ZNF449: variants seen among roughly 807,000 people sequenced by gnomAD.
ZNF449 encodes zinc finger and SCAN domain-containing protein 19.
ZNF449 carries 4 observed loss-of-function variants against 32.6 expected under a neutral mutation model. The observed-to-expected ratio is 0.12, with a 90% CI of 0.06 to 0.28. ZNF449 has a LOEUF of 0.28. Among genes scored for constraint, ZNF449 ranks in the 10% least tolerant of loss-of-function variants. The pLI is 1.00. For missense variants in ZNF449, 275 were observed against 383.2 expected, an observed-to-expected ratio of 0.72 and a Z score of 2.36; for synonymous variants, 123 against 132.2, an observed-to-expected ratio of 0.93 and a Z score of 0.48.
rs782254149 is a variant in ZNF449 at position 135,359,947 on chromosome X, A to G, written c.615A>G (p.Pro205=). 5 of 1,201,079 alleles carry G rather than the reference A, an allele frequency of 4.2e-6. No homozygotes were observed. The highest frequency in any genetic ancestry group is 5.6e-6 in the Non-Finnish European group (5 of 889,744). ...TCTCATTGGAGAATAGAGAAGAGCCATGGGTGAAGGAATTACAGGATTCTA... is the reference window on the plus strand; with the variant it reads ...TCTCATTGGAGAATAGAGAAGAGCCGTGGGTGAAGGAATTACAGGATTCTA... The part of the protein sequence containing the change: ...MNFSLENREE[P]WVKELQDSKE... The change falls in exon 4 of 5, where the codon CCA becomes CCG. Residue 205 remains proline, a synonymous_variant. Transcript: ENST00000339249.
intron 2 of ZNF449, 25 bp downstream of exon 2, chrX:135,347,497 G>A (rs781876416): frequency 8.3e-7 from 1 of 1,209,479 alleles, no homozygotes; most frequent in Non-Finnish European, 1.1e-6. Context: ...TGGGATCTTT[G>A]TGATTGGTCC....
intron 3 of ZNF449, among the ~76,000 whole-genome samples, chrX:135,350,589 T>A (rs1253261896): frequency 1.2e-4 from 14 of 112,179 alleles, no homozygotes; most frequent in African/African-American, 4.5e-4. Context: ...GTACACTATC[T>A]ACGAGCACCT....
intron 3 of ZNF449, among the ~76,000 whole-genome samples, chrX:135,350,597 C>A (rs1195855579): frequency 8.9e-6 from 1 of 112,112 alleles, no homozygotes; most frequent in African/African-American, 3.2e-5. Context: ...TCTACGAGCA[C>A]CTTTGAGGAG....
At chrX:135,353,897 T>C (rs1556451019) in intron 3 of ZNF449, among the ~76,000 whole-genome samples, 1 of 111,567 alleles carries the variant, frequency 9.0e-6, no homozygotes, top group African/African-American at 3.3e-5. Flanking sequence ...TAATGTTTCT[T>C]CTATTACTGT....
chrX:135,348,993 A>T, intron 2 of ZNF449, 117 bp from the exon 3 acceptor site: 1 of 1,011,368 alleles, frequency 9.9e-7, no homozygotes, highest in East Asian at 3.1e-5. Context: ...CTTACTTTTT[A>T]AAAAATTTAT....
intron 3 of ZNF449, among the ~76,000 whole-genome samples, chrX:135,358,611 C>A (rs1426989848): frequency 8.9e-6 from 1 of 111,926 alleles, no homozygotes; most frequent in African/African-American, 3.2e-5. Flanking sequence ...CATCTTTTAA[C>A]AAAAGAAAGA....
rs781933683 is a variant in ZNF449 at position 135,356,192 on chromosome X, A to G, written c.560-3700A>G. Among the ~76,000 whole-genome samples the G allele has an allele frequency of 5.4e-5, 6 of 111,921 alleles. No individual in the cohort carries two copies. In the South Asian group the frequency reaches 1.9e-3, roughly 35 times the overall value. ...TCTTGGGTATATACCTAGGAGCACA[A>G]TTGCTATGTCATATGGTAACTCTAT... On this transcript the variant is annotated intron_variant, in intron 3 of 4. Coordinates refer to ENST00000339249, the MANE Select transcript of ZNF449 (RefSeq NM_152695.6).
At chrX:135,352,251 A>T (rs1276782999) in intron 3 of ZNF449, among the ~76,000 whole-genome samples, 1 of 112,049 alleles carries the variant, frequency 8.9e-6, no homozygotes, top group African/African-American at 3.2e-5. Flanking sequence ...GTGCATATAT[A>T]TTTTTTCATG....
chrX:135,359,069 C>T (rs1305802102), intron 3 of ZNF449, among the ~76,000 whole-genome samples: 1 of 111,648 alleles, frequency 9.0e-6, no homozygotes, highest in Non-Finnish European at 1.9e-5. Flanking sequence ...TTCCTAATGT[C>T]ATTTTAATAA....
intron 3 of ZNF449, among the ~76,000 whole-genome samples, chrX:135,349,894 C>T (rs1556449820): frequency 3.6e-5 from 4 of 111,932 alleles, no homozygotes; most frequent in Non-Finnish European, 7.5e-5. Context: ...GAATCACTGG[C>T]CCAGACACCA....
Position 135,360,200 on chromosome X carries a change from G to A in ZNF449, c.681G>A (p.Glu227=), listed in dbSNP as rs782605876. Residue 227 remains glutamate (E), a synonymous_variant, in exon 5 of 5, where the codon GAG becomes GAA. Coordinates refer to ENST00000339249, the MANE Select transcript of ZNF449 (RefSeq NM_152695.6). Reference sequence around the variant, plus strand: ...TTCTATTTCTTCTCTCAGGTTTTGAGATCGGGATAGAAAATGAAGAAGATA... The same window carrying A: ...TTCTATTTCTTCTCTCAGGTTTTGAAATCGGGATAGAAAATGAAGAAGATA... The part of the protein sequence containing the change: ...KQLLDSKIGF[E]IGIENEEDTS... 2 of 1,176,078 alleles carry A rather than the reference G, an allele frequency of 1.7e-6. No individual in the cohort carries two copies. Among genetic ancestry groups the A allele is most frequent in the Non-Finnish European group, 2.3e-6 (2 of 882,046 alleles).
intron 3 of ZNF449, among the ~76,000 whole-genome samples, chrX:135,355,678 A>G (rs1556451705): frequency 9.0e-6 from 1 of 111,605 alleles, no homozygotes; most frequent in African/African-American, 3.3e-5. Context: ...TTTTTTTTAC[A>G]TTTACATCTT....
At position 135,347,168 on chromosome X, in the gene ZNF449, C is replaced by A. The variant is rs1556448580; in HGVS notation, c.50C>A (p.Ser17Tyr). 8.3e-7 allele frequency: 1 copy of A among 1,211,758 alleles called. No individual in the cohort carries two copies. Among genetic ancestry groups the A allele is most frequent in the Admixed American group, 2.2e-5 (1 of 46,088 alleles). The change falls in exon 2 of 5, where the codon TCT becomes TAT. Residue 17 changes from serine (S) to tyrosine (Y), a missense_variant. Transcript: ENST00000339249. ...CAIQASLNQG[S>Y]VFQEYDTDCE... Reference sequence around the variant, plus strand: ...ATCCAGGCATCCTTGAATCAAGGCTCTGTGTTTCAAGAATATGATACTGAC... The same window carrying A: ...ATCCAGGCATCCTTGAATCAAGGCTATGTGTTTCAAGAATATGATACTGAC...
intron 3 of ZNF449, among the ~76,000 whole-genome samples, chrX:135,356,173 G>T (rs1402939392): frequency 2.7e-5 from 3 of 111,463 alleles, no homozygotes; most frequent in Non-Finnish European, 5.7e-5. Flanking sequence ...TTTTTCTTGG[G>T]TATATACCTA....
At position 135,360,312 on chromosome X, in the gene ZNF449, G is replaced by A. The variant is rs1556453123; in HGVS notation, c.793G>A (p.Asp265Asn). ...TCTCCAGGGTCCCATTTTGCAAAAAGACTATGTACAGTTAGAAAATCAATG... is the reference window on the plus strand; with the variant it reads ...TCTCCAGGGTCCCATTTTGCAAAAAAACTATGTACAGTTAGAAAATCAATG... ...NALQGPILQK[D>N]YVQLENQWET... is the part of the protein sequence containing the mutation. Residue 265 changes from aspartate (D) to asparagine (N), a missense_variant, in exon 5 of 5, where the codon GAC becomes AAC. Around this residue, in one of 3 missense-constraint regions of ZNF449, gnomAD observed 165 missense variants for 175.0 expected, o/e 0.94. Coordinates refer to ENST00000339249, the MANE Select transcript of ZNF449 (RefSeq NM_152695.6). 8.3e-7 allele frequency: 1 copy of A among 1,211,062 alleles called. No homozygotes were observed. The highest frequency in any genetic ancestry group is 1.1e-6 in the Non-Finnish European group (1 of 895,282).
intron 2 of ZNF449, chrX:135,348,856 C>T: frequency 9.6e-7 from 1 of 1,040,843 alleles, no homozygotes; most frequent in Non-Finnish European, 1.3e-6. Context: ...GAAATACACA[C>T]CACATGCAGA....
Position 135,361,890 on chromosome X carries a change from C to T in ZNF449, c.*814C>T, listed in dbSNP as rs868916621. On this transcript the variant is annotated 3_prime_UTR_variant, in exon 5 of 5. Coordinates refer to ENST00000339249, the MANE Select transcript of ZNF449 (RefSeq NM_152695.6). ...ATTTGGGAATTACTTCCTGCTGTTT[C>T]GCCTTCTTAGGTTCATAGTACACAT... 50 of 111,552 alleles carry T rather than the reference C, an allele frequency of 4.5e-4. No individual in the cohort carries two copies. The highest frequency in any genetic ancestry group is 1.6e-3 in the African/African-American group (50 of 30,754). The allele number at this position is 111,552 out of a possible 1,213,427, so 9.2% of individuals were successfully genotyped here.
intron 3 of ZNF449, among the ~76,000 whole-genome samples, chrX:135,351,251 ATGT>A (rs1556450253): frequency 8.9e-6 from 1 of 111,798 alleles, no homozygotes; most frequent in African/African-American, 3.3e-5. Flanking sequence ...AGGTGAGAAG[ATGT>A]TGTTCTAGAG....
intron 2 of ZNF449, chrX:135,348,351 G>A (rs1336081722): frequency 8.0e-6 from 1 of 124,980 alleles, no homozygotes; most frequent in Non-Finnish European, 1.8e-5. Flanking sequence ...GTTTGAGTGG[G>A]ACATTCCACA....
Sources: gnomAD v4.1 joint callset for allele counts (sites outside exome capture counted in the v4.1 genomes callset) on GRCh38, gnomAD v4.1.1 for gene constraint, gnomAD v4.1.1 regional missense constraint, MANE v1.5 for transcripts, NCBI Gene and HGNC (gene_info 2026-07-23, HGNC 2026-07-21) for gene names.